The following IQSEC3 variants were observed in gnomAD, a reference collection of about 807,000 sequenced individuals.
IQSEC3 encodes IQ motif and SEC7 domain-containing protein 3.
A neutral mutation model predicts 105.4 loss-of-function variants in IQSEC3; 50 were observed. The ratio of observed to expected loss-of-function variants is 0.47; its 90% CI spans 0.38 to 0.60. The LOEUF is 0.60. Among genes scored for constraint, IQSEC3 ranks in the 20% least tolerant of loss-of-function variants. IQSEC3 has a pLI of 0.00. For missense variants in IQSEC3, 1,415 were observed against 1,630.0 expected (o/e 0.87, Z 2.27); for synonymous variants, 708 against 746.0 (o/e 0.95, Z 0.83).
At chr12:129,101 G>A (rs139418426) in intron 3 of IQSEC3, among the ~76,000 whole-genome samples, 11 of 152,346 alleles carry the variant, frequency 7.2e-5, no homozygotes, top group South Asian at 6.2e-4. Flanking sequence ...GCCGAGGCAC[G>A]TGCTTTTACC....
chr12:139,253 G>C lies in IQSEC3; in HGVS notation c.1890G>C (p.Pro630=), dbSNP rs1036315570. Residue 630 remains proline, a synonymous_variant, in exon 4 of 14, where the codon CCG becomes CCC. Coordinates refer to ENST00000538872, the MANE Select transcript of IQSEC3 (RefSeq NM_001170738.2). ...TGCAGGCCATGATCCTGAGCCTGCC[G>C]CGCTACCACTGCGAGAACCCAGCCA... ...DALQAMILSL[P]RYHCENPASC... 1.9e-6 allele frequency: 3 copies of C among 1,609,334 alleles called. No homozygotes were observed. In the African/African-American group the frequency reaches 4.0e-5, roughly 22 times the overall value.
intron 1 of IQSEC3, among the ~76,000 whole-genome samples, chr12:79,975 T>C (rs1863689697): frequency 6.6e-6 from 1 of 152,222 alleles, no homozygotes; most frequent in Non-Finnish European, 1.5e-5. Context: ...TAGTGATCTT[T>C]CCTTATTAAA....
At chr12:155,508 C>G (rs1035247002) in intron 5 of IQSEC3, among the ~76,000 whole-genome samples, 22 of 152,206 alleles carry the variant, frequency 1.4e-4, no homozygotes, top group African/African-American at 5.1e-4. Context: ...CGGTGATGCA[C>G]TTTTCTCCTT....
Position 141,188 on chromosome 12 carries a change from G to A in IQSEC3, c.2056G>A (p.Val686Met). ...CTTCATCCCGGACACCCCCATCGGT[G>A]TGGCCCATTTCCTCCTCCAGCGAAA... ...RGFIPDTPIGVAHFLLQRKGL... is the reference protein window; with the variant it reads ...RGFIPDTPIGMAHFLLQRKGL... The change falls in exon 5 of 14, where the codon GTG becomes ATG. Residue 686 changes from valine to methionine, a missense_variant. This residue lies in a region of IQSEC3 where 213 missense variants were observed against 306.2 expected (regional missense o/e 0.70). Transcript: ENST00000538872. 1 of 1,613,486 alleles carries A rather than the reference G, an allele frequency of 6.2e-7. No individual in the cohort carries two copies. Among genetic ancestry groups the A allele is most frequent in the Non-Finnish European group, 8.5e-7 (1 of 1,179,982 alleles).
Position 139,088 on chromosome 12 carries a change from G to C in IQSEC3, c.1725G>C (p.Glu575Asp), listed in dbSNP as rs1555088147. ...CAGCCCCCAAAACAGAGGAGGAAGA[G>C]GAGGAGGAGGAGACGGCGGAGGTGG... ...GATAPKTEEE[E>D]EEEETAEVGR... Residue 575 changes from glutamate to aspartate, a missense_variant, in exon 4 of 14, where the codon GAG becomes GAC. Physicochemically the swap from Glu to Asp is conservative, Grantham distance 45. Transcript: ENST00000538872. 1 of 1,472,820 alleles carries C rather than the reference G, an allele frequency of 6.8e-7. No individual in the cohort carries two copies. Among genetic ancestry groups the C allele is most frequent in the Non-Finnish European group, 9.0e-7 (1 of 1,108,828 alleles). The allele number at this position is 1,472,820 out of a possible 1,614,324, so 91.2% of individuals were successfully genotyped here. A position where few individuals can be genotyped will look rare whatever the true frequency, so the allele number is the denominator to read the frequency against.
chr12:138,376 T>G lies in IQSEC3; in HGVS notation c.1013T>G (p.Ile338Ser). The stretch of plus-strand genomic sequence containing the variant: ...CAGCTCAGCAAGAACTTCGAGAAAA[T>G]CCGCAACTCGCTTCTGGAGAGCCGC... ...QYQLSKNFEK[I>S]RNSLLESRLP... Residue 338 changes from isoleucine (I) to serine (S), a missense_variant, in exon 4 of 14, where the codon ATC becomes AGC. By Grantham distance (142) the Ile-to-Ser change is moderately radical. This residue lies in a region of IQSEC3 where 720 missense variants were observed against 633.0 expected (regional missense o/e 1.14). Coordinates refer to ENST00000538872, the MANE Select transcript of IQSEC3 (RefSeq NM_001170738.2). This position sits in a 1 kb window ranked among gnomAD's most constrained non-coding sequence, Gnocchi z 7.1. 6.2e-7 allele frequency: 1 copy of G among 1,612,214 alleles called. No individual in the cohort carries two copies. The highest frequency in any genetic ancestry group is 8.5e-7 in the Non-Finnish European group (1 of 1,179,938).
intron 5 of IQSEC3, among the ~76,000 whole-genome samples, chr12:142,904 C>T (rs556864797): frequency 9.8e-5 from 15 of 152,318 alleles, no homozygotes; most frequent in Admixed American, 6.5e-5. Flanking sequence ...GTGCTGGCCC[C>T]GTAGCCCCAG....
In IQSEC3 at chr12:125,929, A is replaced by AG. The variant is rs201180944; in HGVS notation, c.903+23dup. ...AATAAACAGGTACCCAGGGCCTCCT[A>AG]GGGGGGCGGGGAGGGTGGTGAAGGG... On this transcript the variant is annotated intron_variant, in intron 3 of 13. Coordinates refer to ENST00000538872, the MANE Select transcript of IQSEC3 (RefSeq NM_001170738.2). The AG allele has an allele frequency of 0.013, 20,284 of 1,527,818 alleles. 197 individuals carry two copies. The highest frequency in any genetic ancestry group is 0.026 in the Middle Eastern group (118 of 4,556). 94.6% of individuals were successfully genotyped at this position (1,527,818 alleles called of 1,614,324 possible).
intron 1 of IQSEC3, among the ~76,000 whole-genome samples, chr12:69,654 C>T (rs2136853936): frequency 6.6e-6 from 1 of 152,394 alleles, no homozygotes; most frequent in East Asian, 1.9e-4. Flanking sequence ...TGCCTCCCCT[C>T]ATCCCTGCAG....
intron 2 of IQSEC3, among the ~76,000 whole-genome samples, chr12:116,938 A>G (rs1365132522): frequency 6.6e-6 from 1 of 152,218 alleles, no homozygotes; most frequent in Non-Finnish European, 1.5e-5. Flanking sequence ...GAGGCTTCAA[A>G]CGTGCTCTTT....
At chr12:124,598 T>C (rs1555082661) in intron 2 of IQSEC3, among the ~76,000 whole-genome samples, 1 of 152,106 alleles carries the variant, frequency 6.6e-6, no homozygotes, top group African/African-American at 2.4e-5. Context: ...AGAGCTTGAA[T>C]TTGAGGCCAT....
chr12:109,304 C>T (rs1449038795), intron 2 of IQSEC3, among the ~76,000 whole-genome samples: 1 of 152,146 alleles, frequency 6.6e-6, no homozygotes, highest in African/African-American at 2.4e-5. Context: ...AGCCACAGTC[C>T]CCATCCAGCC....
intron 2 of IQSEC3, among the ~76,000 whole-genome samples, chr12:109,225 C>T (rs545828246): frequency 4.9e-4 from 74 of 152,352 alleles, no homozygotes; most frequent in African/African-American, 1.7e-3. Context: ...ACAAAGCAGA[C>T]AGTCTGGCAA....
chr12:105,148 A>G (rs1235563982), intron 2 of IQSEC3, among the ~76,000 whole-genome samples: 1 of 152,242 alleles, frequency 6.6e-6, no homozygotes, highest in African/African-American at 2.4e-5. Context: ...CCTGGCCCCA[A>G]GCTCTGGGTC....
At chr12:130,671 G>A (rs1454686520) in intron 3 of IQSEC3, among the ~76,000 whole-genome samples, 2 of 152,182 alleles carry the variant, frequency 1.3e-5, no homozygotes, top group Non-Finnish European at 2.9e-5. Context: ...CCCACTCCCA[G>A]GCAGGCCTCA....
chr12:75,974 CAATCCT>C (rs1198366936), intron 1 of IQSEC3, among the ~76,000 whole-genome samples: 4 of 152,234 alleles, frequency 2.6e-5, no homozygotes, highest in Non-Finnish European at 5.9e-5. Flanking sequence ...GAACCGACCC[CAATCCT>C]AGCTATGAGC....
Position 125,684 on chromosome 12 carries a change from A to G in IQSEC3, c.675A>G (p.Ala225=). Residue 225 remains alanine, a synonymous_variant, in exon 3 of 14, where the codon GCA becomes GCG. Transcript: ENST00000538872. ...AGGGMEDSVV[A]AAAVAAGRPS... is the part of the protein sequence containing the mutation. ...GGGGCATGGAGGACTCCGTGGTGGC[A>G]GCGGCGGCGGTGGCAGCCGGCAGAC... 6.5e-7 allele frequency: 1 copy of G among 1,536,850 alleles called. No individual in the cohort carries two copies. The highest frequency in any genetic ancestry group is 8.7e-7 in the Non-Finnish European group (1 of 1,152,938).
intron 5 of IQSEC3, among the ~76,000 whole-genome samples, chr12:156,216 T>C (rs1866680250): frequency 6.6e-6 from 1 of 151,862 alleles, no homozygotes; most frequent in East Asian, 1.9e-4. Context: ...CCCCCCAGGG[T>C]TGGAGGCAGC....
In IQSEC3 at chr12:139,085, A is replaced by G. The variant is rs1157987479; in HGVS notation, c.1722A>G (p.Glu574=). 3.3e-6 allele frequency: 5 copies of G among 1,493,788 alleles called. No individual in the cohort carries two copies. The highest frequency in any genetic ancestry group is 2.4e-5 in the East Asian group (1 of 40,820). 92.5% of individuals were successfully genotyped at this position (1,493,788 alleles called of 1,614,324 possible). A position where few individuals can be genotyped will look rare whatever the true frequency, so the allele number is the denominator to read the frequency against. Residue 574 remains glutamate, a synonymous_variant, in exon 4 of 14, where the codon GAA becomes GAG. Coordinates refer to ENST00000538872, the MANE Select transcript of IQSEC3 (RefSeq NM_001170738.2). ...DGATAPKTEE[E]EEEEETAEVG... is the part of the protein sequence containing the mutation. Reference sequence around the variant, plus strand: ...CCACAGCCCCCAAAACAGAGGAGGAAGAGGAGGAGGAGGAGACGGCGGAGG... The same window carrying G: ...CCACAGCCCCCAAAACAGAGGAGGAGGAGGAGGAGGAGGAGACGGCGGAGG...
Sources: allele counts gnomAD v4.1 joint callset (sites outside exome capture counted in the v4.1 genomes callset), GRCh38; gene constraint gnomAD v4.1.1; regional missense constraint gnomAD v4.1.1; non-coding constraint Gnocchi (gnomAD v3.1); transcripts MANE v1.5; gene names NCBI Gene and HGNC (gene_info 2026-07-23, HGNC 2026-07-21).